The following JPT2 variants were observed in gnomAD, a reference collection of about 807,000 sequenced individuals.
JPT2 encodes the protein Jupiter microtubule associated homolog 2.
JPT2 carries 9 observed loss-of-function variants against 15.9 expected under a neutral mutation model. That is an observed-to-expected ratio of 0.57 (90% CI 0.34 to 0.99). JPT2 has a LOEUF of 0.99. JPT2 is among the 50% of genes least tolerant of loss of function. The pLI, the probability that JPT2 is intolerant of heterozygous loss-of-function variation, is 0.02. For missense variants in JPT2, 267 were observed against 252.1 expected (o/e 1.06, Z -0.40); for synonymous variants, 95 against 91.7 (o/e 1.04, Z -0.21).
At chr16:1,689,954 T>A (rs1289799805) in intron 2 of JPT2, 1 of 152,170 alleles carries the variant, frequency 6.6e-6, no homozygotes, top group Non-Finnish European at 1.5e-5. Flanking sequence ...ATGGCTGAGG[T>A]TCAGAAGGTT....
chr16:1,699,344 A>T lies in JPT2; in HGVS notation c.*346A>T, dbSNP rs2037166029. On this transcript the variant is annotated 3_prime_UTR_variant, in exon 5 of 5. Coordinates refer to ENST00000248098, the MANE Select transcript of JPT2 (RefSeq NM_144570.3). ...GATTGGATGTCTAGGAATGACTGAA[A>T]GAAACCAAAACAGCCTGTCCACTGC... 2 of 499,996 alleles carry T rather than the reference A, an allele frequency of 4.0e-6. No individual in the cohort carries two copies. The highest frequency in any genetic ancestry group is 7.8e-6 in the Non-Finnish European group (2 of 255,192). The allele number at this position is 499,996 out of a possible 1,614,324, so 31.0% of individuals were successfully genotyped here.
intron 4 of JPT2, 53 bp downstream of exon 4, chr16:1,697,913 G>A (rs2037154297): frequency 6.7e-7 from 1 of 1,502,870 alleles, no homozygotes; most frequent in Non-Finnish European, 9.2e-7. Context: ...ATTTCTGGAA[G>A]AGTTGCTAGT....
At chr16:1,684,341 T>C (rs752311586) in intron 1 of JPT2, among the ~76,000 whole-genome samples, 1 of 152,214 alleles carries the variant, frequency 6.6e-6, no homozygotes, top group African/African-American at 2.4e-5. Flanking sequence ...TTTTTCCAGT[T>C]GTTATGAATT....
chr16:1,693,036 C>T (rs1374881673), intron 3 of JPT2, among the ~76,000 whole-genome samples: 1 of 152,198 alleles, frequency 6.6e-6, no homozygotes, highest in Non-Finnish European at 1.5e-5. Flanking sequence ...CATCTCTTTC[C>T]AGTGTATAGA....
intron 1 of JPT2, chr16:1,683,402 C>A: frequency 1.4e-6 from 1 of 719,196 alleles, no homozygotes; most frequent in East Asian, 2.7e-5. Flanking sequence ...CCAGGTACTG[C>A]TCCCGGACAG....
chr16:1,679,586 A>G (rs1241137101), intron 1 of JPT2, among the ~76,000 whole-genome samples: 1 of 151,154 alleles, frequency 6.6e-6, no homozygotes, highest in Non-Finnish European at 1.5e-5. Flanking sequence ...AGTCCCAGCT[A>G]CTTGGAGAGG....
chr16:1,692,234 C>T (rs897026935), intron 3 of JPT2: 5 of 528,162 alleles, frequency 9.5e-6, no homozygotes, highest in East Asian at 3.4e-5. Flanking sequence ...CCACTGCAGA[C>T]GGGCTGTGGC....
intron 2 of JPT2, among the ~76,000 whole-genome samples, chr16:1,687,432 T>A (rs1376028797): frequency 6.6e-6 from 1 of 152,238 alleles, no homozygotes; most frequent in African/African-American, 2.4e-5. Flanking sequence ...CATGTCCTTT[T>A]TAGCAAGGAT....
Position 1,698,820 on chromosome 16 carries a change from G to A in JPT2, c.395G>A (p.Ser132Asn). 1 of 1,611,886 alleles carries A rather than the reference G, an allele frequency of 6.2e-7. No homozygotes were observed. The highest frequency in any genetic ancestry group is 1.1e-5 in the South Asian group (1 of 90,854). The change falls in exon 5 of 5, where the codon AGC (serine) becomes AAC (asparagine). Residue 132 changes from serine (S) to asparagine (N), a missense_variant. Transcript: ENST00000248098. This position sits in a 1 kb window ranked among gnomAD's most constrained non-coding sequence, Gnocchi z 4.9. ...ACTTTGTGTCCCACAGCTGCAAGGA[G>A]CATCCCGGCTGGAGCAGAGCCAGGT... is the stretch of plus-strand genomic sequence containing the variant. ...EPKSDLKAAR[S>N]IPAGAEPGEK...
At chr16:1,688,637 G>A (rs551424268) in intron 2 of JPT2, 7 of 152,322 alleles carry the variant, frequency 4.6e-5, no homozygotes, top group Middle Eastern at 3.4e-3. Flanking sequence ...ATTTTGGGAG[G>A]CCGAGGTGGG....
At position 1,699,524 on chromosome 16, in the gene JPT2, C is replaced by G. The variant is rs1444702193; in HGVS notation, c.*526C>G. 2 of 320,808 alleles carry G rather than the reference C, an allele frequency of 6.2e-6. No individual in the cohort carries two copies. Among genetic ancestry groups the G allele is most frequent in the Non-Finnish European group, 1.2e-5 (2 of 160,780 alleles). The allele number at this position is 320,808 out of a possible 1,614,324, so 19.9% of individuals were successfully genotyped here. A position where few individuals can be genotyped will look rare whatever the true frequency, so the allele number is the denominator to read the frequency against. On this transcript the variant is annotated 3_prime_UTR_variant, in exon 5 of 5. Transcript: ENST00000248098. Reference sequence around the variant, plus strand: ...GTTCTGTAGTCTTTTCTTGAAACATCTTGATTGCTTTTCCTCGGCAGCTTT... The same window carrying G: ...GTTCTGTAGTCTTTTCTTGAAACATGTTGATTGCTTTTCCTCGGCAGCTTT...
At position 1,685,590 on chromosome 16, in the gene JPT2, A is replaced by T; in HGVS notation, c.193+3A>T. 6.2e-7 allele frequency: 1 copy of T among 1,610,578 alleles called. No individual in the cohort carries two copies. Among genetic ancestry groups the T allele is most frequent in the Non-Finnish European group, 8.5e-7 (1 of 1,179,028 alleles). ...ACCCAAGAGGACAAATCCCCCAGGT[A>T]TGGGCCTTTGGAAATCCTTAATCCT... is the stretch of plus-strand genomic sequence containing the variant. On this transcript the variant is annotated splice_donor_region_variant and intron_variant, in intron 2 of 4. Coordinates refer to ENST00000248098, the MANE Select transcript of JPT2 (RefSeq NM_144570.3).
At chr16:1,680,209 G>A in intron 1 of JPT2, 2 of 464,066 alleles carry the variant, frequency 4.3e-6, no homozygotes, top group Non-Finnish European at 2.8e-6. Context: ...GTGGGGGGAG[G>A]GACTGCATCC....
At chr16:1,681,317 G>A (rs554530882) in intron 1 of JPT2, among the ~76,000 whole-genome samples, 4 of 152,308 alleles carry the variant, frequency 2.6e-5, no homozygotes, top group African/African-American at 9.6e-5. Flanking sequence ...CTTTGTGACC[G>A]AGATAGCCGC....
At position 1,701,159 on chromosome 16, in the gene JPT2, G is replaced by A. The variant is rs929912647; in HGVS notation, c.*2161G>A. 1 of 152,576 alleles carries A rather than the reference G, an allele frequency of 6.6e-6. No individual in the cohort carries two copies. Among genetic ancestry groups the A allele is most frequent in the African/African-American group, 2.4e-5 (1 of 41,438 alleles). The allele number at this position is 152,576 out of a possible 1,614,324, so 9.5% of individuals were successfully genotyped here. On this transcript the variant is annotated 3_prime_UTR_variant, in exon 5 of 5. Transcript: ENST00000248098. ...TGGGAGGTGTCCTGTATGTCTGTAC[G>A]TTGGGGACTGCCTGTATTTGGAAGA...
intron 1 of JPT2, 91 bp from the exon 2 acceptor site, chr16:1,685,348 C>A (rs779114658): frequency 7.3e-7 from 1 of 1,374,652 alleles, no homozygotes. Flanking sequence ...AAACAAAATA[C>A]TTTTACCCTG....
intron 2 of JPT2, 153 bp downstream of exon 2, chr16:1,685,740 T>C (rs887077755): frequency 3.3e-5 from 27 of 821,292 alleles, no homozygotes; most frequent in Non-Finnish European, 4.8e-5. Context: ...TTCTGATTTG[T>C]ACTTTCTCTC....
At chr16:1,689,114 C>T (rs1056799516) in intron 2 of JPT2, 3 of 152,082 alleles carry the variant, frequency 2.0e-5, no homozygotes, top group Admixed American at 6.6e-5. Flanking sequence ...TAATGTCTTA[C>T]AGACTTTTCT....
Position 1,685,596 on chromosome 16 carries a change from C to T in JPT2, c.193+9C>T. ...GAGGACAAATCCCCCAGGTATGGGC[C>T]TTTGGAAATCCTTAATCCTTTGGCC... On this transcript the variant is annotated intron_variant, in intron 2 of 4. Coordinates refer to ENST00000248098, the MANE Select transcript of JPT2 (RefSeq NM_144570.3). 6.2e-7 allele frequency: 1 copy of T among 1,609,456 alleles called. No individual in the cohort carries two copies.
Sources: gnomAD v4.1 joint callset for allele counts (sites outside exome capture counted in the v4.1 genomes callset) on GRCh38, gnomAD v4.1.1 for gene constraint, Gnocchi (gnomAD v3.1) non-coding constraint, MANE v1.5 for transcripts, NCBI Gene and HGNC (gene_info 2026-07-23, HGNC 2026-07-21) for gene names.